ZFTRAF1: variants seen among roughly 807,000 people sequenced by gnomAD.
ZFTRAF1 encodes zinc finger TRAF-type and ring finger containing 1, also known as zinc finger TRAF-type-containing protein 1.
chr8:144,455,778 T>C, the ZFTRAF1 span: 2 of 152,388 alleles, frequency 1.3e-5, no homozygotes, highest in Middle Eastern at 3.4e-3. Context: ...CTGGCCTCTC[T>C]TCCTGGCTCT....
At chr8:144,451,967 C>T in the ZFTRAF1 span, 1 of 308,030 alleles carries the variant, frequency 3.2e-6, no homozygotes, top group Non-Finnish European at 6.4e-6. Flanking sequence ...CTCTTCTTGC[C>T]CCAGGGTCCG....
chr8:144,459,530 C>T, the ZFTRAF1 span, among the ~76,000 whole-genome samples: 1 of 152,272 alleles, frequency 6.6e-6, no homozygotes, highest in Non-Finnish European at 1.5e-5. Flanking sequence ...GCCTGTGAGG[C>T]ATCATCGTAC....
the ZFTRAF1 span, among the ~76,000 whole-genome samples, chr8:144,461,956 G>C: frequency 6.6e-6 from 1 of 152,138 alleles, no homozygotes; most frequent in Admixed American, 6.5e-5. Flanking sequence ...TGGGTTGGGA[G>C]AGTGTTCAGG....
chr8:144,459,030 G>A, the ZFTRAF1 span, among the ~76,000 whole-genome samples: 1 of 152,266 alleles, frequency 6.6e-6, no homozygotes, highest in Non-Finnish European at 1.5e-5. Context: ...TCTGACAGCA[G>A]CAGGAAGGGT....
chr8:144,459,663 T>C, the ZFTRAF1 span, among the ~76,000 whole-genome samples: 1 of 152,210 alleles, frequency 6.6e-6, no homozygotes, highest in East Asian at 1.9e-4. Flanking sequence ...CTCGAGTTAC[T>C]GAGGACCCAG....
the ZFTRAF1 span, chr8:144,450,191 C>CA: frequency 1.7e-6 from 1 of 574,056 alleles, no homozygotes; most frequent in Non-Finnish European, 3.1e-6. Flanking sequence ...AGGCAGGGGT[C>CA]GGGGGGGTGA....
the ZFTRAF1 span, among the ~76,000 whole-genome samples, chr8:144,460,908 T>G: frequency 5.9e-5 from 9 of 152,158 alleles, no homozygotes; most frequent in African/African-American, 2.2e-4. Flanking sequence ...TTCTTCCGCC[T>G]GGGAGGATCG....
At chr8:144,452,437 C>A in the ZFTRAF1 span, 1 of 1,549,936 alleles carries the variant, frequency 6.5e-7, no homozygotes, top group South Asian at 1.2e-5. Flanking sequence ...TGGCTCTGGT[C>A]CATCCCATCC....
At chr8:144,452,401 T>C in the ZFTRAF1 span, 1 of 1,550,240 alleles carries the variant, frequency 6.5e-7, no homozygotes, top group Non-Finnish European at 8.7e-7. Flanking sequence ...CTGAAGATGC[T>C]GTTGTACAGC....
At chr8:144,459,191 G>A in the ZFTRAF1 span, among the ~76,000 whole-genome samples, 1 of 152,232 alleles carries the variant, frequency 6.6e-6, no homozygotes, top group East Asian at 1.9e-4. Flanking sequence ...ATGGGCAGAG[G>A]TGCCAACAGG....
the ZFTRAF1 span, chr8:144,452,222 C>T: frequency 1.0e-6 from 1 of 985,720 alleles, no homozygotes; most frequent in Non-Finnish European, 1.5e-6. Flanking sequence ...TCCACCTGTC[C>T]ACCGGGAGCT....
chr8:144,462,778 C>T, the ZFTRAF1 span: 1 of 151,392 alleles, frequency 6.6e-6, no homozygotes, highest in Non-Finnish European at 1.5e-5. Context: ...CTCCCTGCGC[C>T]GCCGCCTCAG....
chr8:144,450,142 C>A, the ZFTRAF1 span: 1 of 517,142 alleles, frequency 1.9e-6, no homozygotes, highest in Non-Finnish European at 3.5e-6. Flanking sequence ...GTCTCCTCTT[C>A]GGGTCAGCCC....
the ZFTRAF1 span, among the ~76,000 whole-genome samples, chr8:144,462,127 G>A: frequency 6.6e-6 from 1 of 152,174 alleles, no homozygotes; most frequent in Non-Finnish European, 1.5e-5. Context: ...AGCCGCTGGA[G>A]CCCCGCTGGG....
chr8:144,461,726 C>G, the ZFTRAF1 span, among the ~76,000 whole-genome samples: 1 of 152,152 alleles, frequency 6.6e-6, no homozygotes, highest in Non-Finnish European at 1.5e-5. Context: ...TACTGTTCTT[C>G]AGGATGAACT....
the ZFTRAF1 span, chr8:144,462,231 CG>C: frequency 6.2e-6 from 3 of 480,724 alleles, no homozygotes; most frequent in South Asian, 2.6e-5. Context: ...GGCCCCGCGG[CG>C]GGGGCTGCAG....
chr8:144,462,142 G>A, the ZFTRAF1 span: 14 of 356,978 alleles, frequency 3.9e-5, no homozygotes, highest in South Asian at 9.4e-5. Context: ...GCTGGGCGAG[G>A]AAGTGGCTGT....
the ZFTRAF1 span, among the ~76,000 whole-genome samples, chr8:144,460,341 C>A: frequency 6.6e-6 from 1 of 152,246 alleles, no homozygotes; most frequent in African/African-American, 2.4e-5. Flanking sequence ...CAGTGCAGGC[C>A]GGTTTGAACC....
At chr8:144,452,706 G>A in the ZFTRAF1 span, 4 of 781,900 alleles carry the variant, frequency 5.1e-6, no homozygotes, top group Admixed American at 2.6e-5. Context: ...CACCCCCCAG[G>A]ATGAGGTCAG....
Sources: allele counts gnomAD v4.1 joint callset (sites outside exome capture counted in the v4.1 genomes callset), GRCh38; gene constraint gnomAD v4.1.1; transcripts MANE v1.5; gene names NCBI Gene and HGNC (gene_info 2026-07-23, HGNC 2026-07-21).